The following MCTP1 variants were observed in gnomAD, a reference collection of about 807,000 sequenced individuals.
MCTP1 encodes multiple C2 and transmembrane domain containing 1, also known as multiple C2 and transmembrane domain-containing protein 1.
MCTP1 carries 69 observed loss-of-function variants against 120.6 expected under a neutral mutation model. The observed-to-expected ratio is 0.57, with a 90% CI of 0.47 to 0.70. MCTP1 has a LOEUF of 0.70. Ranked by LOEUF, MCTP1 falls within the 30% of genes least tolerant of loss-of-function variation. The pLI is 0.00. For synonymous variants in MCTP1, 529 were observed against 493.1 expected (o/e 1.07, Z -0.96); for missense variants, 1,203 against 1,248.8 (o/e 0.96, Z 0.55).
At chr5:95,267,162 G>A (rs945926456) in intron 1 of MCTP1, among the ~76,000 whole-genome samples, 12 of 152,012 alleles carry the variant, frequency 7.9e-5, no homozygotes, top group Non-Finnish European at 1.8e-4. Context: ...TCTGTTCAAC[G>A]GAAAGTCTTC....
At chr5:94,862,690 G>A (rs755286150) in intron 17 of MCTP1, among the ~76,000 whole-genome samples, 6 of 151,672 alleles carry the variant, frequency 4.0e-5, no homozygotes, top group Non-Finnish European at 7.4e-5. Context: ...TTATATAATT[G>A]CAGGAATTTA....
chr5:94,937,987 T>C (rs1364916526), intron 5 of MCTP1, among the ~76,000 whole-genome samples: 2 of 152,014 alleles, frequency 1.3e-5, no homozygotes, highest in African/African-American at 4.8e-5. Flanking sequence ...AAGAATATTC[T>C]ATCACCAAGT....
chr5:95,263,188 C>G (rs1758614025), intron 1 of MCTP1, among the ~76,000 whole-genome samples: 1 of 152,180 alleles, frequency 6.6e-6, no homozygotes, highest in African/African-American at 2.4e-5. Context: ...GAGTTGGTTT[C>G]CAGATGAGAC....
At chr5:94,847,726 T>A in intron 17 of MCTP1, among the ~76,000 whole-genome samples, 1 of 149,490 alleles carries the variant, frequency 6.7e-6, no homozygotes, top group African/African-American at 2.5e-5. Context: ...GGTGTAAATT[T>A]GAGAGAGAGG....
intron 17 of MCTP1, among the ~76,000 whole-genome samples, chr5:94,840,923 G>T (rs201297558): frequency 2.0e-5 from 3 of 152,140 alleles, no homozygotes; most frequent in Admixed American, 6.6e-5. Flanking sequence ...ATTTTGGGGT[G>T]GGGGGAAGGT....
intron 1 of MCTP1, among the ~76,000 whole-genome samples, chr5:95,172,921 G>C (rs1047483042): frequency 2.0e-5 from 3 of 152,086 alleles, no homozygotes; most frequent in African/African-American, 7.2e-5. Context: ...TGCATTCATT[G>C]AATAGGAACA....
At chr5:95,081,550 T>C in intron 1 of MCTP1, 1 of 1,544,570 alleles carries the variant, frequency 6.5e-7, no homozygotes, top group Non-Finnish European at 8.8e-7. Context: ...ACTTGCTTTC[T>C]TCACTGAATA....
At chr5:94,924,636 T>C (rs573880540) in intron 6 of MCTP1, among the ~76,000 whole-genome samples, 56 of 152,300 alleles carry the variant, frequency 3.7e-4, no homozygotes, top group African/African-American at 1.3e-3. Context: ...TACTTAATCC[T>C]CAGACTTTTA....
intron 1 of MCTP1, among the ~76,000 whole-genome samples, chr5:95,036,135 G>A (rs551003251): frequency 3.4e-4 from 52 of 152,244 alleles, no homozygotes; most frequent in African/African-American, 1.2e-3. Context: ...AACTCTCAGA[G>A]GGATAGTCTT....
chr5:95,033,344 C>A (rs1026222900), intron 1 of MCTP1, among the ~76,000 whole-genome samples: 1 of 152,108 alleles, frequency 6.6e-6, no homozygotes, highest in South Asian at 2.1e-4. Context: ...TACTAGCAAG[C>A]CAAATCCAGC....
chr5:95,193,944 T>C (rs1222123423), intron 1 of MCTP1, among the ~76,000 whole-genome samples: 2 of 152,158 alleles, frequency 1.3e-5, no homozygotes, highest in Admixed American at 6.6e-5. Context: ...GGCGTGGTGC[T>C]TCACGCTTGT....
At chr5:95,030,858 T>C (rs1229895717) in intron 1 of MCTP1, among the ~76,000 whole-genome samples, 3 of 151,694 alleles carry the variant, frequency 2.0e-5, no homozygotes, top group East Asian at 3.9e-4. Context: ...ACTCAAAATA[T>C]AGGTTGCAAG....
At chr5:95,063,056 G>C (rs1380073725) in intron 1 of MCTP1, among the ~76,000 whole-genome samples, 1 of 152,104 alleles carries the variant, frequency 6.6e-6, no homozygotes. Context: ...GTGTTCAAGC[G>C]ATCCTCCCGC....
At chr5:94,867,173 G>T in intron 17 of MCTP1, 1 of 1,315,484 alleles carries the variant, frequency 7.6e-7, no homozygotes, top group Non-Finnish European at 9.9e-7. Context: ...TTTATTATAA[G>T]AAAGAGCTAC....
chr5:94,718,749 C>T lies in MCTP1; in HGVS notation c.2611-3863G>A, dbSNP rs116279673. Among the ~76,000 whole-genome samples the T allele has an allele frequency of 5.8e-3, 885 of 152,228 alleles. 4 individuals are homozygous for T. Among genetic ancestry groups the T allele is most frequent in the African/African-American group, 0.02 (838 of 41,534 alleles). On this transcript the variant is annotated intron_variant, in intron 19 of 22. Coordinates refer to ENST00000515393, the MANE Select transcript of MCTP1 (RefSeq NM_024717.7). Reference sequence around the variant, plus strand: ...TATTATTTTTTTTGACATGAAGTTTCGCTCTTATTGCCCAGGCTGCAGCGC... The same window carrying T: ...TATTATTTTTTTTGACATGAAGTTTTGCTCTTATTGCCCAGGCTGCAGCGC...
At chr5:95,269,241 C>G (rs1039388411) in intron 1 of MCTP1, among the ~76,000 whole-genome samples, 1 of 152,166 alleles carries the variant, frequency 6.6e-6, no homozygotes, top group African/African-American at 2.4e-5. Context: ...AAGACATTAT[C>G]TCACACCTTG....
intron 1 of MCTP1, among the ~76,000 whole-genome samples, chr5:95,086,855 G>C (rs748937894): frequency 6.6e-6 from 1 of 152,072 alleles, no homozygotes; most frequent in Non-Finnish European, 1.5e-5. Context: ...TCCTATATCT[G>C]ATTATTAATT....
intron 19 of MCTP1, among the ~76,000 whole-genome samples, chr5:94,752,176 A>C (rs1316006748): frequency 1.5e-5 from 2 of 137,806 alleles, no homozygotes. Flanking sequence ...TAGGTGAATT[A>C]TCTCACCCGG....
chr5:95,006,530 C>T (rs1347343737), intron 2 of MCTP1, among the ~76,000 whole-genome samples: 1 of 152,084 alleles, frequency 6.6e-6, no homozygotes, highest in Non-Finnish European at 1.5e-5. Flanking sequence ...CTGGGTAAAA[C>T]AAGGCTATAC....
Sources: gnomAD v4.1 joint callset for allele counts (sites outside exome capture counted in the v4.1 genomes callset) on GRCh38, gnomAD v4.1.1 for gene constraint, MANE v1.5 for transcripts, NCBI Gene and HGNC (gene_info 2026-07-23, HGNC 2026-07-21) for gene names.